The following STAT4 variants were observed in gnomAD, a reference collection of about 807,000 sequenced individuals.
STAT4 encodes signal transducer and activator of transcription 4.
Under a neutral mutation model 110.5 loss-of-function variants are expected in STAT4, and 42 were observed. The observed-to-expected ratio is 0.38, with a 90% CI of 0.30 to 0.49. The LOEUF is 0.49. Ranked by LOEUF, STAT4 falls within the 20% of genes least tolerant of loss-of-function variation. STAT4 has a pLI of 0.95. For missense variants in STAT4, 632 were observed against 887.9 expected (o/e 0.71, Z 3.66); for synonymous variants, 284 against 302.2 (o/e 0.94, Z 0.63).
At chr2:191,036,369 C>A (rs1696047307) in intron 16 of STAT4, 70 bp from the exon 17 acceptor site, 1 of 1,514,944 alleles carries the variant, frequency 6.6e-7, no homozygotes, top group Non-Finnish European at 9.0e-7. Flanking sequence ...GTGAGCAGGG[C>A]AAGAGAGGTC....
chr2:191,034,096 A>T (rs1343280438), intron 18 of STAT4, 91 bp from the exon 19 acceptor site: 6 of 902,714 alleles, frequency 6.6e-6, no homozygotes, highest in Non-Finnish European at 1.0e-5. Flanking sequence ...CCAAAATATT[A>T]TCTTTAAACT....
chr2:191,084,139 G>T (rs1697565101), intron 3 of STAT4, among the ~76,000 whole-genome samples: 2 of 152,036 alleles, frequency 1.3e-5, no homozygotes, highest in South Asian at 4.1e-4. Flanking sequence ...GTGCGTGACT[G>T]TAATCCCAGC....
In STAT4 at chr2:191,033,048, T is replaced by G; in HGVS notation, c.1954A>C (p.Asn652His). The G allele has an allele frequency of 6.2e-7, 1 of 1,614,166 alleles. No homozygotes were observed. ...LRDYKVIMAE[N>H]IPENPLKYLY... is the part of the protein sequence containing the mutation. ...TACTTCAGAGGGTTTTCAGGAATGT[T>G]TTCAGCCATAATAACTTTGTAGTCT... The change falls in exon 21 of 24, where the codon AAC becomes CAC. Residue 652 changes from asparagine (N) to histidine (H), a missense_variant. By Grantham distance (68) the Asn-to-His change is moderately conservative. Coordinates refer to ENST00000392320, the MANE Select transcript of STAT4 (RefSeq NM_003151.4). This position sits in a 1 kb window ranked among gnomAD's most constrained non-coding sequence, Gnocchi z 6.9.
chr2:191,096,554 T>C (rs900441352), intron 3 of STAT4, among the ~76,000 whole-genome samples: 4 of 152,174 alleles, frequency 2.6e-5, no homozygotes, highest in African/African-American at 9.7e-5. Context: ...AGAAGGCCTT[T>C]CACAAAATTC....
chr2:191,094,213 C>A (rs1013332118), intron 3 of STAT4, among the ~76,000 whole-genome samples: 2 of 152,118 alleles, frequency 1.3e-5, no homozygotes, highest in Admixed American at 6.5e-5. Flanking sequence ...GGCAGGCCTA[C>A]ATTAAAATTC....
chr2:191,080,723 A>G (rs997629003), intron 3 of STAT4, among the ~76,000 whole-genome samples: 21 of 152,210 alleles, frequency 1.4e-4, no homozygotes, highest in African/African-American at 5.1e-4. Context: ...GGAATCATTG[A>G]GAACCAGAAT....
At chr2:191,131,792 T>A (rs1551443) in intron 3 of STAT4, 135 of 1,341,378 alleles carry the variant, frequency 1.0e-4, no homozygotes, top group Non-Finnish European at 1.3e-4. Flanking sequence ...TAGTATCATC[T>A]GAATGTCCCA....
At chr2:191,122,979 G>C (rs965265460) in intron 3 of STAT4, among the ~76,000 whole-genome samples, 1 of 152,152 alleles carries the variant, frequency 6.6e-6, no homozygotes, top group Non-Finnish European at 1.5e-5. Flanking sequence ...TGCTTATTTT[G>C]CATCAATAAA....
chr2:191,122,829 A>G (rs1698775717), intron 3 of STAT4, among the ~76,000 whole-genome samples: 1 of 152,236 alleles, frequency 6.6e-6, no homozygotes, highest in Non-Finnish European at 1.5e-5. Flanking sequence ...TGATGTAAGA[A>G]TAGTGGTTAC....
rs997500803 is a variant in STAT4, at chr2:191,039,647, A to G, written c.1336-350T>C. ...TATTGAATTAGCAACAATCTTCTCT[A>G]TAAGTTAAATAAAAGAATCTATTTT... On this transcript the variant is annotated intron_variant, in intron 15 of 23. Coordinates refer to ENST00000392320, the MANE Select transcript of STAT4 (RefSeq NM_003151.4). The surrounding 1 kb of genome is among the most constrained non-coding windows in gnomAD (Gnocchi z 4.7). Among the ~76,000 whole-genome samples, 1 of 152,248 alleles carries G rather than the reference A, an allele frequency of 6.6e-6. No individual in the cohort carries two copies. The highest frequency in any genetic ancestry group is 2.4e-5 in the African/African-American group (1 of 41,462).
Position 191,037,159 on chromosome 2 carries a change from G to A in STAT4, c.1435-860C>T, listed in dbSNP as rs1321205013. Among the ~76,000 whole-genome samples, 2 of 152,032 alleles carry A rather than the reference G, an allele frequency of 1.3e-5. No homozygotes were observed. Among genetic ancestry groups the A allele is most frequent in the African/African-American group, 2.4e-5 (1 of 41,384 alleles). On this transcript the variant is annotated intron_variant, in intron 16 of 23. Transcript: ENST00000392320. This position sits in a 1 kb window ranked among gnomAD's most constrained non-coding sequence, Gnocchi z 4.8. Reference sequence around the variant, plus strand: ...TATCATATTATTTAATTGGTTTATCGTGGGGTTGGCACAAATTTTACCTTG... The same window carrying A: ...TATCATATTATTTAATTGGTTTATCATGGGGTTGGCACAAATTTTACCTTG...
chr2:191,057,976 T>C (rs967795444), intron 13 of STAT4, 42 bp downstream of exon 13: 3 of 1,495,598 alleles, frequency 2.0e-6, no homozygotes, highest in Non-Finnish European at 2.8e-6. Flanking sequence ...ATGTCTGATT[T>C]TGGGGAAAAA....
intron 3 of STAT4, among the ~76,000 whole-genome samples, chr2:191,122,732 C>T (rs1326703526): frequency 6.6e-6 from 1 of 152,134 alleles, no homozygotes; most frequent in Non-Finnish European, 1.5e-5. Context: ...AATCTCATAA[C>T]ACAGAGTGAA....
intron 8 of STAT4, 137 bp from the exon 9 acceptor site, chr2:191,063,057 T>A: frequency 1.3e-6 from 1 of 761,860 alleles, no homozygotes; most frequent in Non-Finnish European, 1.8e-6. Flanking sequence ...CTTAATTTGA[T>A]TTAGGTTAGA....
At chr2:191,151,224 C>T (rs1699583662), upstream of STAT4, 1 of 985,696 alleles carries the variant, frequency 1.0e-6, no homozygotes, top group South Asian at 4.7e-5. This position sits in a 1 kb window ranked among gnomAD's most constrained non-coding sequence, Gnocchi z 4.7. Flanking sequence ...CCCAGCGGCT[C>T]TCGCAACTGC....
In STAT4 at chr2:191,150,684, G is replaced by A. The variant is rs973952050; in HGVS notation, c.-2+263C>T. Among the ~76,000 whole-genome samples, 1 of 152,182 alleles carries A rather than the reference G, an allele frequency of 6.6e-6. No homozygotes were observed. The highest frequency in any genetic ancestry group is 6.5e-5 in the Admixed American group (1 of 15,278). On this transcript the variant is annotated intron_variant, in intron 1 of 23. Coordinates refer to ENST00000392320, the MANE Select transcript of STAT4 (RefSeq NM_003151.4). This position sits in a 1 kb window ranked among gnomAD's most constrained non-coding sequence, Gnocchi z 6.4. ...TCCGCGAGGACACACCTCCGCAGCC[G>A]CCGCAGCTCCCCTGGCCCCCGCAGG... is the stretch of plus-strand genomic sequence containing the variant.
chr2:191,031,343 C>G lies in STAT4; in HGVS notation c.2111+107G>C. 1 of 1,156,032 alleles carries G rather than the reference C, an allele frequency of 8.7e-7. No individual in the cohort carries two copies. Among genetic ancestry groups the G allele is most frequent in the East Asian group, 2.5e-5 (1 of 40,162 alleles). The allele number at this position is 1,156,032 out of a possible 1,614,324, so 71.6% of individuals were successfully genotyped here. A position where few individuals can be genotyped will look rare whatever the true frequency, so the allele number is the denominator to read the frequency against. On this transcript the variant is annotated intron_variant, in intron 22 of 23. Coordinates refer to ENST00000392320, the MANE Select transcript of STAT4 (RefSeq NM_003151.4). This position sits in a 1 kb window ranked among gnomAD's most constrained non-coding sequence, Gnocchi z 4.8. The stretch of plus-strand genomic sequence containing the variant: ...ATGTATTAAAGGAAATGGGACATTG[C>G]ACATTACAATGCTTTGTTCTCAGTT...
Position 191,033,252 on chromosome 2 carries a change from C to A in STAT4, c.1853-103G>T. The stretch of plus-strand genomic sequence containing the variant: ...TCTTCATGCCACTGGAGTGACTTGT[C>A]AGTTCATGTCACTTCAATGTCAGAC... On this transcript the variant is annotated intron_variant, in intron 20 of 23. Coordinates refer to ENST00000392320, the MANE Select transcript of STAT4 (RefSeq NM_003151.4). The surrounding 1 kb of genome is among the most constrained non-coding windows in gnomAD (Gnocchi z 6.9). 1 of 1,250,698 alleles carries A rather than the reference C, an allele frequency of 8.0e-7. No homozygotes were observed. Among genetic ancestry groups the A allele is most frequent in the South Asian group, 1.5e-5 (1 of 66,506 alleles). The allele number at this position is 1,250,698 out of a possible 1,614,324, so 77.5% of individuals were successfully genotyped here. A position where few individuals can be genotyped will look rare whatever the true frequency, so the allele number is the denominator to read the frequency against.
rs1695832208 is a variant in STAT4 at position 191,029,732 on chromosome 2, G to C, written c.*108C>G. 2 of 1,021,368 alleles carry C rather than the reference G, an allele frequency of 2.0e-6. No individual in the cohort carries two copies. The highest frequency in any genetic ancestry group is 1.6e-5 in the African/African-American group (1 of 60,948). The allele number at this position is 1,021,368 out of a possible 1,614,324, so 63.3% of individuals were successfully genotyped here. A position where few individuals can be genotyped will look rare whatever the true frequency, so the allele number is the denominator to read the frequency against. On this transcript the variant is annotated 3_prime_UTR_variant, in exon 24 of 24. Coordinates refer to ENST00000392320, the MANE Select transcript of STAT4 (RefSeq NM_003151.4). This position sits in a 1 kb window ranked among gnomAD's most constrained non-coding sequence, Gnocchi z 4.5. Reference sequence around the variant, plus strand: ...AGCTTCAGATGTCAAACATTTCCTAGAACCTGGTATTTACAAAGCTGAAGA... The same window carrying C: ...AGCTTCAGATGTCAAACATTTCCTACAACCTGGTATTTACAAAGCTGAAGA...
Sources: gnomAD v4.1 joint callset for allele counts (sites outside exome capture counted in the v4.1 genomes callset) on GRCh38, gnomAD v4.1.1 for gene constraint, Gnocchi (gnomAD v3.1) non-coding constraint, MANE v1.5 for transcripts, NCBI Gene and HGNC (gene_info 2026-07-23, HGNC 2026-07-21) for gene names.